Variants in ERN1 observed in about 807,000 individuals in gnomAD.
The protein encoded by ERN1 is serine/threonine-protein kinase/endoribonuclease IRE1.
ERN1 carries 39 observed loss-of-function variants against 113.1 expected under a neutral mutation model. That is an observed-to-expected ratio of 0.34 (90% CI 0.27 to 0.45). ERN1 has a LOEUF of 0.45. Among genes scored for constraint, ERN1 ranks in the 20% least tolerant of loss-of-function variants. The pLI, the probability that ERN1 is intolerant of heterozygous loss-of-function variation, is 1.00. For missense variants in ERN1, 976 were observed against 1,274.8 expected (o/e 0.77, Z 3.57); for synonymous variants, 507 against 515.9 (o/e 0.98, Z 0.23).
chr17:64,078,145 C>T (rs551944825), intron 4 of ERN1, among the ~76,000 whole-genome samples: 5 of 152,202 alleles, frequency 3.3e-5, no homozygotes, highest in Middle Eastern at 3.2e-3. Context: ...CCTGCACTTC[C>T]GCCAGCAGTA....
intron 4 of ERN1, among the ~76,000 whole-genome samples, chr17:64,077,983 T>C (rs1036244541): frequency 2.0e-5 from 3 of 152,214 alleles, no homozygotes; most frequent in Admixed American, 1.3e-4. Context: ...TCCGCCCACC[T>C]TGGCCTCCCA....
intron 19 of ERN1, among the ~76,000 whole-genome samples, chr17:64,046,014 G>A (rs1010369098): frequency 2.0e-5 from 3 of 152,140 alleles, no homozygotes; most frequent in Non-Finnish European, 2.9e-5. Flanking sequence ...GGCTCCTGTT[G>A]GGATTCAAAC....
At chr17:64,129,205 T>G (rs770929323) in intron 1 of ERN1, 1 of 152,148 alleles carries the variant, frequency 6.6e-6, no homozygotes, top group South Asian at 2.1e-4. Context: ...ATCATTCGTC[T>G]CCTCCAGAAA....
intron 15 of ERN1, chr17:64,053,937 T>G: frequency 3.7e-6 from 1 of 270,182 alleles, no homozygotes; most frequent in Non-Finnish European, 7.1e-6. Flanking sequence ...TTAGTACAAT[T>G]CACTGTAACT....
chr17:64,125,465 G>C (rs1427760449), intron 1 of ERN1, among the ~76,000 whole-genome samples: 1 of 152,072 alleles, frequency 6.6e-6, no homozygotes, highest in South Asian at 2.1e-4. Flanking sequence ...CCCACGGCTG[G>C]GCACAGAAGC....
intron 1 of ERN1, among the ~76,000 whole-genome samples, chr17:64,106,852 G>A (rs1391131833): frequency 6.6e-6 from 1 of 151,596 alleles, no homozygotes; most frequent in Non-Finnish European, 1.5e-5. Context: ...AACCTGTGCA[G>A]TAACATCAAA....
At chr17:64,129,128 C>G (rs142891693) in intron 1 of ERN1, 1 of 151,932 alleles carries the variant, frequency 6.6e-6, no homozygotes, top group Non-Finnish European at 1.5e-5. Context: ...AAGTCTCCCA[C>G]AAAGTGCCCC....
intron 6 of ERN1, among the ~76,000 whole-genome samples, chr17:64,068,594 T>C (rs1451666484): frequency 6.6e-6 from 1 of 152,164 alleles, no homozygotes; most frequent in Admixed American, 6.5e-5. Flanking sequence ...GGGTGCCTTA[T>C]TACATAGCAA....
chr17:64,045,502 A>G lies in ERN1; in HGVS notation c.2530-20T>C, dbSNP rs1912485470. ...CACGTCCTGTGAGAGAAACAAGGGC[A>G]GCAGATGATGGTCAGTGCTGGAGAT... On this transcript the variant is annotated intron_variant, in intron 19 of 21. Transcript: ENST00000433197. 2 of 1,613,800 alleles carry G rather than the reference A, an allele frequency of 1.2e-6. No homozygotes were observed. The highest frequency in any genetic ancestry group is 1.7e-6 in the Non-Finnish European group (2 of 1,179,786).
chr17:64,096,237 A>G (rs1914225438), intron 2 of ERN1, among the ~76,000 whole-genome samples: 1 of 152,210 alleles, frequency 6.6e-6, no homozygotes, highest in Non-Finnish European at 1.5e-5. Context: ...TGTCACTGGC[A>G]TTACTGCCTA....
chr17:64,062,057 A>G (rs1443881641), intron 10 of ERN1, among the ~76,000 whole-genome samples: 1 of 152,214 alleles, frequency 6.6e-6, no homozygotes, highest in Non-Finnish European at 1.5e-5. Flanking sequence ...TACTCATGAG[A>G]CCACTAAATA....
In ERN1 at chr17:64,116,893, C is replaced by T. The variant is rs571507240; in HGVS notation, c.54+13083G>A. Among the ~76,000 whole-genome samples the T allele has an allele frequency of 6.8e-5, 10 of 147,818 alleles. No homozygotes were observed. In the South Asian group the frequency reaches 1.1e-3, roughly 16 times the overall value. On this transcript the variant is annotated intron_variant, in intron 1 of 21. Coordinates refer to ENST00000433197, the MANE Select transcript of ERN1 (RefSeq NM_001433.5). ...GCCGAGGTGGGCGGATCACAAGGTCCGGAGATTGAGACCATCCTGGCTAAC... is the reference window on the plus strand; with the variant it reads ...GCCGAGGTGGGCGGATCACAAGGTCTGGAGATTGAGACCATCCTGGCTAAC...
Position 64,057,921 on chromosome 17 carries a change from C to T in ERN1, c.1279G>A (p.Ala427Thr), listed in dbSNP as rs371477913. Residue 427 changes from alanine to threonine, a missense_variant, in exon 12 of 22, where the codon GCC becomes ACC. By Grantham distance (58) the Ala-to-Thr change is moderately conservative. Around this residue, in one of 5 missense-constraint regions of ERN1, gnomAD observed 459 missense variants for 581.2 expected, o/e 0.79. Coordinates refer to ENST00000433197, the MANE Select transcript of ERN1 (RefSeq NM_001433.5). ...GCCTCGGGCCGGGCAGGGGCATGGG[C>T]GGGCTTCTCCTCCACATCCCGAGAC... ...TVSRDVEEKP[A>T]HAPARPEAPV... 8.3e-5 allele frequency: 134 copies of T among 1,610,548 alleles called. No individual in the cohort carries two copies. The highest frequency in any genetic ancestry group is 7.9e-5 in the Non-Finnish European group (93 of 1,178,526).
intron 2 of ERN1, among the ~76,000 whole-genome samples, chr17:64,090,365 T>C (rs16947480): frequency 0.044 from 6,640 of 152,292 alleles, 534 homozygotes; most frequent in African/African-American, 0.15. Context: ...TGAAGTCTAC[T>C]GCGTTCTCAT....
rs1914280133 is a variant in ERN1 at position 64,098,173 on chromosome 17, A to G, written c.123T>C (p.Ser41=). The G allele has an allele frequency of 6.2e-7, 1 of 1,613,988 alleles. No homozygotes were observed. The highest frequency in any genetic ancestry group is 2.2e-5 in the East Asian group (1 of 44,884). Residue 41 remains serine, a synonymous_variant, in exon 2 of 22, where the codon AGT becomes AGC. Coordinates refer to ENST00000433197, the MANE Select transcript of ERN1 (RefSeq NM_001433.5). ...CTGTCCTCTTGCTGACAGCATGCAAACTTCCATCCAGCGTTGACACAAACA... is the reference window on the plus strand; with the variant it reads ...CTGTCCTCTTGCTGACAGCATGCAAGCTTCCATCCAGCGTTGACACAAACA... The part of the protein sequence containing the change: ...TLLFVSTLDG[S]LHAVSKRTGS...
chr17:64,055,295 A>C (rs1054788439), intron 13 of ERN1, among the ~76,000 whole-genome samples: 1 of 152,198 alleles, frequency 6.6e-6, no homozygotes, highest in Admixed American at 6.5e-5. Flanking sequence ...TTCCCTCAGA[A>C]TTGGGGCTCT....
intron 2 of ERN1, among the ~76,000 whole-genome samples, chr17:64,086,094 A>G (rs992539585): frequency 1.3e-5 from 2 of 151,926 alleles, no homozygotes; most frequent in Non-Finnish European, 2.9e-5. Flanking sequence ...AGGATCTTCA[A>G]CTCCTCCTTT....
At chr17:64,074,100 C>T (rs1163758604) in intron 5 of ERN1, among the ~76,000 whole-genome samples, 1 of 152,126 alleles carries the variant, frequency 6.6e-6, no homozygotes, top group Admixed American at 6.5e-5. Context: ...AGAGCTAGGA[C>T]CACGAACCTT....
chr17:64,079,516 C>T (rs934240674), intron 4 of ERN1, 146 bp downstream of exon 4: 24 of 590,482 alleles, frequency 4.1e-5, no homozygotes, highest in Non-Finnish European at 6.7e-5. Context: ...GATGCCCAGG[C>T]TCCTCTCTAG....
Sources: gnomAD v4.1 joint callset for allele counts (sites outside exome capture counted in the v4.1 genomes callset) on GRCh38, gnomAD v4.1.1 for gene constraint, gnomAD v4.1.1 regional missense constraint, MANE v1.5 for transcripts, NCBI Gene and HGNC (gene_info 2026-07-23, HGNC 2026-07-21) for gene names.